MAP3K5: variants seen among roughly 807,000 people sequenced by gnomAD.
MAP3K5 encodes the protein mitogen-activated protein kinase kinase kinase 5, also known as ASK-1.
MAP3K5 carries 56 observed loss-of-function variants against 158.7 expected under a neutral mutation model. The observed-to-expected ratio is 0.35, with a 90% confidence interval of 0.28 to 0.44. MAP3K5 has a LOEUF of 0.44. Ranked by LOEUF, MAP3K5 falls within the 20% of genes least tolerant of loss-of-function variation. The probability of loss-of-function intolerance (pLI) is 1.00; values close to 1 mark genes in which losing one functional copy is unlikely to be tolerated. For missense variants in MAP3K5, 1,294 were observed against 1,674.8 expected, an observed-to-expected ratio of 0.77 and a Z score of 3.97; for synonymous variants, 579 against 601.7, an observed-to-expected ratio of 0.96 and a Z score of 0.55.
At chr6:136,677,190 T>G (rs1320535293) in intron 7 of MAP3K5, among the ~76,000 whole-genome samples, 1 of 140,944 alleles carries the variant, frequency 7.1e-6, no homozygotes, top group East Asian at 2.1e-4. Flanking sequence ...CAGGCTGGAG[T>G]GTAGTGGCGC....
chr6:136,619,856 G>A (rs1776725330), intron 15 of MAP3K5, among the ~76,000 whole-genome samples: 1 of 152,256 alleles, frequency 6.6e-6, no homozygotes, highest in Admixed American at 6.5e-5. Context: ...TAGATGTGGA[G>A]TGCAAGAGAA....
intron 1 of MAP3K5, among the ~76,000 whole-genome samples, chr6:136,771,925 T>A (rs997652978): frequency 1.6e-4 from 25 of 152,294 alleles, no homozygotes; most frequent in Non-Finnish European, 2.8e-4. Context: ...TTTTTATTTT[T>A]TTTTTATTTT....
chr6:136,657,771 C>T (rs1444420190), intron 9 of MAP3K5, among the ~76,000 whole-genome samples: 3 of 152,100 alleles, frequency 2.0e-5, no homozygotes, highest in Admixed American at 6.5e-5. Flanking sequence ...GAGTGTTCCT[C>T]GGAGAATGTG....
intron 1 of MAP3K5, among the ~76,000 whole-genome samples, chr6:136,739,560 T>C (rs762852958): frequency 2.0e-5 from 3 of 152,200 alleles, no homozygotes; most frequent in Non-Finnish European, 4.4e-5. Context: ...ACAGGAAGTA[T>C]GGAATCAGTA....
At chr6:136,623,415 G>A (rs780935174) in intron 14 of MAP3K5, among the ~76,000 whole-genome samples, 3 of 152,086 alleles carry the variant, frequency 2.0e-5, no homozygotes, top group Non-Finnish European at 2.9e-5. Context: ...TAAAACCACC[G>A]AAAGGCTTTG....
intron 14 of MAP3K5, among the ~76,000 whole-genome samples, chr6:136,634,550 T>C (rs945149319): frequency 6.6e-6 from 1 of 152,130 alleles, no homozygotes; most frequent in South Asian, 2.1e-4. Context: ...ATGCAAAGGA[T>C]AGAAATGTAA....
chr6:136,662,702 A>T (rs966131275), intron 8 of MAP3K5, among the ~76,000 whole-genome samples: 5 of 152,204 alleles, frequency 3.3e-5, no homozygotes, highest in African/African-American at 1.2e-4. Flanking sequence ...TTGGTTCCAG[A>T]CTAAAATATT....
chr6:136,614,679 T>C (rs1776489501), intron 15 of MAP3K5, among the ~76,000 whole-genome samples: 1 of 152,206 alleles, frequency 6.6e-6, no homozygotes, highest in African/African-American at 2.4e-5. Flanking sequence ...TATTAACATA[T>C]TAACATGACT....
chr6:136,775,631 GA>G (rs758003917), intron 1 of MAP3K5, among the ~76,000 whole-genome samples: 65 of 152,292 alleles, frequency 4.3e-4, no homozygotes, highest in Non-Finnish European at 7.2e-4. Flanking sequence ...TGTGAAAACA[GA>G]AAAATCATGA....
chr6:136,773,637 G>C (rs1287487019), intron 1 of MAP3K5, among the ~76,000 whole-genome samples: 1 of 151,868 alleles, frequency 6.6e-6, no homozygotes, highest in Admixed American at 6.6e-5. Flanking sequence ...TGTTGTTGTT[G>C]TTGTTGGTTG....
chr6:136,611,107 C>CAAAAAAAAAAAAAAA (rs59508317), intron 18 of MAP3K5, among the ~76,000 whole-genome samples, 175 bp downstream of exon 18: 17 of 24,442 alleles, frequency 7.0e-4, no homozygotes, highest in Admixed American at 1.3e-3. Flanking sequence ...GACCCTGTCT[C>CAAAAAAAAAAAAAAA]AAAAAAAAAA....
chr6:136,666,606 A>G (rs937308175), intron 8 of MAP3K5, among the ~76,000 whole-genome samples: 5 of 152,174 alleles, frequency 3.3e-5, no homozygotes, highest in Non-Finnish European at 7.4e-5. Flanking sequence ...CTATCAATTA[A>G]CATCATTATT....
At chr6:136,650,911 G>A (rs1778491046) in intron 11 of MAP3K5, 73 bp downstream of exon 11, 2 of 831,664 alleles carry the variant, frequency 2.4e-6, no homozygotes, top group Admixed American at 4.8e-5. Flanking sequence ...ACATTTGCTG[G>A]AGTATGTAAA....
chr6:136,697,674 T>C (rs1419599218), intron 4 of MAP3K5, among the ~76,000 whole-genome samples: 3 of 151,214 alleles, frequency 2.0e-5, no homozygotes, highest in Non-Finnish European at 2.9e-5. Context: ...GCCAAAACTT[T>C]GTTTTCCATT....
chr6:136,689,950 T>C (rs1299345151), intron 7 of MAP3K5, among the ~76,000 whole-genome samples: 1 of 152,132 alleles, frequency 6.6e-6, no homozygotes, highest in Non-Finnish European at 1.5e-5. Flanking sequence ...ATACAGGAAT[T>C]CCTAAACTAA....
At chr6:136,633,709 C>T (rs1241504100) in intron 14 of MAP3K5, among the ~76,000 whole-genome samples, 1 of 152,192 alleles carries the variant, frequency 6.6e-6, no homozygotes, top group Non-Finnish European at 1.5e-5. Context: ...TTGCCTTGGG[C>T]TTCTAAGAAG....
chr6:136,607,042 A>G (rs1176973006), intron 18 of MAP3K5, among the ~76,000 whole-genome samples: 1 of 152,234 alleles, frequency 6.6e-6, no homozygotes, highest in Non-Finnish European at 1.5e-5. Context: ...ACCTGGCCAA[A>G]GACAAGGCAA....
chr6:136,745,798 G>C (rs1265008249), intron 1 of MAP3K5, among the ~76,000 whole-genome samples: 2 of 152,170 alleles, frequency 1.3e-5, no homozygotes, highest in African/African-American at 2.4e-5. Context: ...TTCAATAAAG[G>C]CATAGATAAT....
At chr6:136,714,502 A>T (rs1205465503) in intron 2 of MAP3K5, among the ~76,000 whole-genome samples, 1 of 152,148 alleles carries the variant, frequency 6.6e-6, no homozygotes, top group African/African-American at 2.4e-5. Flanking sequence ...GTAGTTTTCA[A>T]CGTTCATTTA....
Sources: allele counts gnomAD v4.1 joint callset (sites outside exome capture counted in the v4.1 genomes callset), GRCh38; gene constraint gnomAD v4.1.1; transcripts MANE v1.5; gene names NCBI Gene and HGNC (gene_info 2026-07-23, HGNC 2026-07-21).